The following CHCHD3 variants were observed in gnomAD, a reference collection of about 807,000 sequenced individuals.
CHCHD3 encodes the protein MICOS complex subunit MIC19.
CHCHD3 carries 20 observed loss-of-function variants against 38.2 expected under a neutral mutation model. The observed-to-expected ratio is 0.52, with a 90% confidence interval of 0.37 to 0.76. The LOEUF is 0.76. Among genes scored for constraint, CHCHD3 ranks in the 30% least tolerant of loss-of-function variants. CHCHD3 has a pLI of 0.00. For synonymous variants in CHCHD3, 82 were observed against 100.0 expected, an observed-to-expected ratio of 0.82 and a Z score of 1.07; for missense variants, 245 against 279.2, an observed-to-expected ratio of 0.88 and a Z score of 0.87.
chr7:132,796,717 A>T, intron 6 of CHCHD3, 140 bp from the exon 7 acceptor site: 1 of 717,394 alleles, frequency 1.4e-6, no homozygotes, highest in Non-Finnish European at 2.2e-6. Context: ...ATTTTCCTTA[A>T]ACTTCAAAGA....
intron 5 of CHCHD3, among the ~76,000 whole-genome samples, chr7:132,857,833 C>A (rs182127434): frequency 1.3e-5 from 2 of 152,272 alleles, no homozygotes; most frequent in East Asian, 3.9e-4. Flanking sequence ...AAATTAGATA[C>A]CCCTGTGTTG....
At chr7:132,902,796 A>G (rs905700400) in intron 4 of CHCHD3, among the ~76,000 whole-genome samples, 2 of 152,214 alleles carry the variant, frequency 1.3e-5, no homozygotes, top group African/African-American at 4.8e-5. Flanking sequence ...GTGCACATGT[A>G]CCCTAGAACT....
intron 5 of CHCHD3, among the ~76,000 whole-genome samples, chr7:132,863,885 G>T (rs145962573): frequency 2.2e-4 from 34 of 152,276 alleles, no homozygotes; most frequent in Non-Finnish European, 4.1e-4. Flanking sequence ...AGCCTTCGTA[G>T]AACTTAAGAA....
chr7:132,802,548 C>G (rs553851175), intron 6 of CHCHD3, among the ~76,000 whole-genome samples: 1 of 152,222 alleles, frequency 6.6e-6, no homozygotes, highest in South Asian at 2.1e-4. Flanking sequence ...AGTTGTTTAA[C>G]AGGTGGAAGG....
At chr7:133,062,870 C>T (rs564208889) in intron 2 of CHCHD3, among the ~76,000 whole-genome samples, 1 of 152,200 alleles carries the variant, frequency 6.6e-6, no homozygotes, top group Non-Finnish European at 1.5e-5. Flanking sequence ...GTAACAAGGG[C>T]AGGGACCTCT....
chr7:132,953,695 A>G (rs1458252424), intron 4 of CHCHD3, among the ~76,000 whole-genome samples: 1 of 152,198 alleles, frequency 6.6e-6, no homozygotes, highest in Admixed American at 6.5e-5. Flanking sequence ...AAATCCCAGT[A>G]TGGAAATGCA....
chr7:132,850,383 G>A (rs1363091683), intron 5 of CHCHD3, among the ~76,000 whole-genome samples: 2 of 150,826 alleles, frequency 1.3e-5, no homozygotes, highest in Non-Finnish European at 1.5e-5. Flanking sequence ...AGCTGCTTCT[G>A]GCATTTCTAG....
At chr7:132,790,211 A>C (rs1320539340) in intron 7 of CHCHD3, among the ~76,000 whole-genome samples, 1 of 152,186 alleles carries the variant, frequency 6.6e-6, no homozygotes, top group Non-Finnish European at 1.5e-5. Context: ...TTCTATGACA[A>C]ATGCTCTGTA....
At chr7:132,848,144 A>T (rs574317433) in intron 5 of CHCHD3, among the ~76,000 whole-genome samples, 1 of 152,306 alleles carries the variant, frequency 6.6e-6, no homozygotes, top group East Asian at 1.9e-4. Context: ...GTTACTGCTA[A>T]CAACTGCAGG....
chr7:133,024,726 C>A, intron 2 of CHCHD3, 99 bp from the exon 3 acceptor site: 1 of 912,994 alleles, frequency 1.1e-6, no homozygotes, highest in Non-Finnish European at 1.8e-6. Flanking sequence ...TAGATTTGAA[C>A]AGGCAAAGTT....
intron 6 of CHCHD3, among the ~76,000 whole-genome samples, chr7:132,814,777 T>C (rs568409198): frequency 1.3e-5 from 2 of 152,328 alleles, no homozygotes; most frequent in African/African-American, 4.8e-5. Flanking sequence ...AGATCATATG[T>C]CATATCATAT....
intron 3 of CHCHD3, among the ~76,000 whole-genome samples, chr7:132,978,550 TAAATA>T (rs1811833617): frequency 6.6e-6 from 1 of 152,160 alleles, no homozygotes; most frequent in Non-Finnish European, 1.5e-5. Flanking sequence ...AATGAATAAA[TAAATA>T]AATGGCATAT....
chr7:132,807,645 A>ATATATATATATATG (rs1806965103), intron 6 of CHCHD3, among the ~76,000 whole-genome samples: 1 of 129,290 alleles, frequency 7.7e-6, no homozygotes, highest in Non-Finnish European at 1.6e-5. Flanking sequence ...ATATATATAT[A>ATATATATATATATG]CTTGACATAA....
intron 6 of CHCHD3, among the ~76,000 whole-genome samples, chr7:132,819,969 T>C (rs1807303075): frequency 6.6e-6 from 1 of 152,216 alleles, no homozygotes; most frequent in African/African-American, 2.4e-5. Context: ...GTTATTTTCA[T>C]AATGTGGTTT....
At chr7:132,985,337 T>C (rs867704345) in intron 3 of CHCHD3, among the ~76,000 whole-genome samples, 8 of 30,058 alleles carry the variant, frequency 2.7e-4, no homozygotes, top group South Asian at 1.2e-3. Flanking sequence ...AAGTGAGGAG[T>C]CCCTCTGCCC....
At chr7:132,874,614 T>C (rs1430904207) in intron 5 of CHCHD3, among the ~76,000 whole-genome samples, 5 of 152,184 alleles carry the variant, frequency 3.3e-5, no homozygotes, top group African/African-American at 9.7e-5. Flanking sequence ...GGCATGCTAC[T>C]GAAACCTGCG....
intron 5 of CHCHD3, among the ~76,000 whole-genome samples, chr7:132,844,768 G>C (rs1044873099): frequency 6.6e-6 from 1 of 152,134 alleles, no homozygotes; most frequent in Non-Finnish European, 1.5e-5. Context: ...TCAAAGATAA[G>C]CCAAGTAAGC....
At chr7:132,935,056 C>T (rs1305745121) in intron 4 of CHCHD3, among the ~76,000 whole-genome samples, 6 of 152,134 alleles carry the variant, frequency 3.9e-5, no homozygotes, top group African/African-American at 1.2e-4. Context: ...TCGTGTAATC[C>T]AAACTCCACT....
intron 4 of CHCHD3, among the ~76,000 whole-genome samples, chr7:132,907,374 T>C (rs1370307883): frequency 1.3e-5 from 2 of 151,966 alleles, no homozygotes; most frequent in Non-Finnish European, 2.9e-5. Context: ...GCAACCATAA[T>C]AGAATATAAT....
Sources: allele counts gnomAD v4.1 joint callset (sites outside exome capture counted in the v4.1 genomes callset), GRCh38; gene constraint gnomAD v4.1.1; transcripts MANE v1.5; gene names NCBI Gene and HGNC (gene_info 2026-07-23, HGNC 2026-07-21).